Variants in ERBB4 observed in about 807,000 individuals in gnomAD.
ERBB4 encodes receptor tyrosine-protein kinase erbB-4.
ERBB4 carries 42 observed loss-of-function variants against 158.0 expected under a neutral mutation model. The observed-to-expected ratio is 0.27, with a 90% CI of 0.21 to 0.34. The LOEUF is 0.34. Ranked by LOEUF, ERBB4 falls within the 10% of genes least tolerant of loss-of-function variation. The pLI, the probability that ERBB4 is intolerant of heterozygous loss-of-function variation, is 1.00. For synonymous variants in ERBB4, 583 were observed against 558.7 expected (o/e 1.04, Z -0.61); for missense variants, 1,333 against 1,624.1 (o/e 0.82, Z 3.08).
intron 3 of ERBB4, among the ~76,000 whole-genome samples, chr2:211,844,288 G>T (rs2106010927): frequency 6.6e-6 from 1 of 152,204 alleles, no homozygotes; most frequent in East Asian, 1.9e-4. Context: ...GTTGAAAAGT[G>T]TGATCCCTTA....
intron 3 of ERBB4, among the ~76,000 whole-genome samples, chr2:211,888,430 T>C (rs1278100332): frequency 6.6e-6 from 1 of 152,236 alleles, no homozygotes; most frequent in Non-Finnish European, 1.5e-5. Flanking sequence ...TACACACACA[T>C]ATATTCACAA....
chr2:211,639,873 C>T (rs564405486), intron 16 of ERBB4, among the ~76,000 whole-genome samples: 1 of 152,116 alleles, frequency 6.6e-6, no homozygotes, highest in Admixed American at 6.6e-5. Flanking sequence ...AGGCACCCCC[C>T]CACCATGCCC....
At chr2:211,773,627 TATA>T (rs1402918071) in intron 4 of ERBB4, among the ~76,000 whole-genome samples, 16 of 52,284 alleles carry the variant, frequency 3.1e-4, no homozygotes, top group Non-Finnish European at 5.6e-4. Flanking sequence ...TATATATATA[TATA>T]TATATATATA....
At chr2:211,724,074 A>G (rs1417869221) in intron 6 of ERBB4, among the ~76,000 whole-genome samples, 1 of 152,214 alleles carries the variant, frequency 6.6e-6, no homozygotes, top group South Asian at 2.1e-4. Flanking sequence ...GCAGTGTTCA[A>G]TGTCTTCAGA....
intron 2 of ERBB4, among the ~76,000 whole-genome samples, chr2:212,054,691 C>A (rs1046744541): frequency 1.3e-5 from 2 of 152,092 alleles, no homozygotes; most frequent in African/African-American, 4.8e-5. Flanking sequence ...GTGGGGAGAG[C>A]AGAAAAGGGA....
At position 212,046,575 on chromosome 2, in the gene ERBB4, C is replaced by T. The variant is rs571882277; in HGVS notation, c.234+78177G>A. Reference sequence around the variant, plus strand: ...TATTGATGTATTTATCATTTACCTTCGTATTCATCAATTAATAGGACATTC... The same window carrying T: ...TATTGATGTATTTATCATTTACCTTTGTATTCATCAATTAATAGGACATTC... On this transcript the variant is annotated intron_variant, in intron 2 of 27. Transcript: ENST00000342788. 9.8e-4 allele frequency among the ~76,000 whole-genome samples: 149 copies of T among 152,248 alleles called. 2 individuals are homozygous for T. Among genetic ancestry groups the T allele is most frequent in the Admixed American group, 1.2e-3 (18 of 15,282 alleles).
chr2:211,842,936 T>A lies in ERBB4; in HGVS notation c.422-54777A>T, dbSNP rs553848427. 7.2e-5 allele frequency among the ~76,000 whole-genome samples: 11 copies of A among 152,230 alleles called. No homozygotes were observed. In the South Asian group the frequency reaches 2.3e-3, roughly 32 times the overall value. On this transcript the variant is annotated intron_variant, in intron 3 of 27. Transcript: ENST00000342788. ...ACAAACAAATCTGATAGCTACATGA[T>A]CCTGGACAACTCCACTTCTTCTGGT...
intron 3 of ERBB4, among the ~76,000 whole-genome samples, chr2:211,826,775 C>T (rs1302003175): frequency 6.6e-6 from 1 of 152,004 alleles, no homozygotes; most frequent in Non-Finnish European, 1.5e-5. Context: ...TTCTCTAACA[C>T]CACATACAAG....
chr2:211,975,178 T>C (rs559875394), intron 2 of ERBB4, among the ~76,000 whole-genome samples: 171 of 152,306 alleles, frequency 1.1e-3, no homozygotes, highest in African/African-American at 3.7e-3. Context: ...TATGAGCTTT[T>C]GCCTTGTTGC....
intron 1 of ERBB4, among the ~76,000 whole-genome samples, chr2:212,480,573 T>C (rs1689642784): frequency 6.6e-6 from 1 of 152,218 alleles, no homozygotes. Flanking sequence ...TTATATAATG[T>C]GTGCCATGCA....
At chr2:211,900,010 G>T (rs1044734451) in intron 3 of ERBB4, among the ~76,000 whole-genome samples, 1 of 152,112 alleles carries the variant, frequency 6.6e-6, no homozygotes, top group African/African-American at 2.4e-5. Flanking sequence ...AAACTAGAGT[G>T]CAGTTTTAAT....
chr2:212,287,374 T>C (rs993273788), intron 1 of ERBB4, among the ~76,000 whole-genome samples: 1 of 152,118 alleles, frequency 6.6e-6, no homozygotes, highest in Non-Finnish European at 1.5e-5. Context: ...CAGAAACCCA[T>C]ATGTAAGTAT....
intron 1 of ERBB4, among the ~76,000 whole-genome samples, chr2:212,218,391 C>G (rs891700835): frequency 1.3e-5 from 2 of 151,274 alleles, no homozygotes; most frequent in Non-Finnish European, 3.0e-5. Flanking sequence ...CTGGCTACAG[C>G]ATTCATCCCT....
chr2:211,446,928 G>A (rs897223411), intron 20 of ERBB4, among the ~76,000 whole-genome samples: 2 of 152,014 alleles, frequency 1.3e-5, no homozygotes, highest in East Asian at 1.9e-4. Flanking sequence ...TGAAAGAGGT[G>A]AAGATTTTTT....
intron 1 of ERBB4, among the ~76,000 whole-genome samples, chr2:212,276,552 T>A (rs913121194): frequency 6.6e-6 from 1 of 151,634 alleles, no homozygotes; most frequent in South Asian, 2.1e-4. Flanking sequence ...GAGAAGAAAG[T>A]TTTTTGCAAA....
In ERBB4 at chr2:211,654,200, T is replaced by A. The variant is rs111528812; in HGVS notation, c.1946+3554A>T. ...CTTGTTACTTTCACATCTTACCCAA[T>A]CTGCATCAAAATGTTCCATGATCAT... On this transcript the variant is annotated intron_variant, in intron 16 of 27. Transcript: ENST00000342788. 3.7e-3 allele frequency among the ~76,000 whole-genome samples: 570 copies of A among 152,282 alleles called. 2 individuals carry two copies. Among genetic ancestry groups the A allele is most frequent in the African/African-American group, 0.013 (525 of 41,564 alleles).
At chr2:212,293,775 G>A (rs1214778381) in intron 1 of ERBB4, among the ~76,000 whole-genome samples, 1 of 144,698 alleles carries the variant, frequency 6.9e-6, no homozygotes, top group African/African-American at 2.6e-5. Flanking sequence ...TTGAACCTAG[G>A]AGATGGAGGT....
At chr2:212,304,663 A>C (rs550032050) in intron 1 of ERBB4, among the ~76,000 whole-genome samples, 1 of 151,646 alleles carries the variant, frequency 6.6e-6, no homozygotes, top group South Asian at 2.1e-4. Context: ...TGATGCCACA[A>C]GGGTGGAAGG....
At chr2:212,310,464 A>C (rs1255012916) in intron 1 of ERBB4, among the ~76,000 whole-genome samples, 1 of 150,638 alleles carries the variant, frequency 6.6e-6, no homozygotes, top group Non-Finnish European at 1.5e-5. Context: ...CATGCCACCA[A>C]TATTTTTTAC....
Sources: allele counts gnomAD v4.1 joint callset (sites outside exome capture counted in the v4.1 genomes callset), GRCh38; gene constraint gnomAD v4.1.1; transcripts MANE v1.5; gene names NCBI Gene and HGNC (gene_info 2026-07-23, HGNC 2026-07-21).